PHRF1: variants seen among roughly 807,000 people sequenced by gnomAD.
PHRF1 encodes the protein PHD and RING finger domain-containing protein 1.
Under a neutral mutation model 128.9 loss-of-function variants are expected in PHRF1, and 53 were observed. That is an observed-to-expected ratio of 0.41 (90% CI 0.33 to 0.52). The LOEUF (loss-of-function observed/expected upper bound fraction) is 0.52, where lower values mean the gene tolerates loss of function less well. Ranked by LOEUF, PHRF1 falls within the 20% of genes least tolerant of loss-of-function variation. The pLI, the probability that PHRF1 is intolerant of heterozygous loss-of-function variation, is 0.21. For missense variants in PHRF1, 2,503 were observed against 2,284.5 expected, an observed-to-expected ratio of 1.10 and a Z score of -1.95; for synonymous variants, 1,178 against 980.6, an observed-to-expected ratio of 1.20 and a Z score of -3.76.
Position 597,047 on chromosome 11 carries a change from C to T in PHRF1, c.718+27C>T, listed in dbSNP as rs776219147. 1.2e-5 allele frequency: 20 copies of T among 1,606,240 alleles called. No homozygotes were observed. The highest frequency in any genetic ancestry group is 8.9e-5 in the East Asian group (4 of 44,776). ...TAAGGACACTGCTCCCGTCCCAAGG[C>T]GCACATGGGCCTTCTCACTGTCCAC... On this transcript the variant is annotated intron_variant, in intron 7 of 17. Transcript: ENST00000264555. The surrounding 1 kb of genome is among the most constrained non-coding windows in gnomAD (Gnocchi z 6.5).
chr11:612,148 T>C lies in PHRF1; in HGVS notation c.*371T>C, dbSNP rs7943546. The C allele has an allele frequency of 0.23, 77,234 of 330,664 alleles. 10,599 individuals carry two copies. The highest frequency in any genetic ancestry group is 0.42 in the African/African-American group (20,099 of 47,366). 20.5% of individuals were successfully genotyped at this position (330,664 alleles called of 1,614,324 possible). A position where few individuals can be genotyped will look rare whatever the true frequency, so the allele number is the denominator to read the frequency against. On this transcript the variant is annotated 3_prime_UTR_variant, in exon 18 of 18. Transcript: ENST00000264555. The stretch of plus-strand genomic sequence containing the variant: ...GGGTGGCGCGTCCTTGATAAATCTC[T>C]AGGTGGCCTCCCGCCAACAGCTGCT...
rs780155852 is a variant in PHRF1 at position 607,179 on chromosome 11, G to A, written c.1723G>A (p.Gly575Arg). The A allele has an allele frequency of 6.2e-7, 1 of 1,612,724 alleles. No homozygotes were observed. Among genetic ancestry groups the A allele is most frequent in the Non-Finnish European group, 8.5e-7 (1 of 1,179,818 alleles). ...CGGGAGCCCGGCCCAAGGCCCGTCA[G>A]GAAACAGGCCACAGAGCACAGGGCT... Reference protein sequence around the residue: ...PSGSPAQGPSGNRPQSTGLSC... With the variant: ...PSGSPAQGPSRNRPQSTGLSC... The change falls in exon 14 of 18, where the codon GGA (glycine) becomes AGA (arginine). Residue 575 changes from glycine to arginine, a missense_variant. Transcript: ENST00000264555.
chr11:597,262 T>C lies in PHRF1; in HGVS notation c.719-133T>C. The C allele has an allele frequency of 8.6e-7, 1 of 1,156,148 alleles. No homozygotes were observed. The highest frequency in any genetic ancestry group is 1.6e-5 in the South Asian group (1 of 63,150). 71.6% of individuals were successfully genotyped at this position (1,156,148 alleles called of 1,614,324 possible). ...TCAGTGTTAGGAGCACCAGGCTCCATGAGCAGCCCTGGGTCCTGTGCACAG... is the reference window on the plus strand; with the variant it reads ...TCAGTGTTAGGAGCACCAGGCTCCACGAGCAGCCCTGGGTCCTGTGCACAG... On this transcript the variant is annotated intron_variant, in intron 7 of 17. Transcript: ENST00000264555. This position sits in a 1 kb window ranked among gnomAD's most constrained non-coding sequence, Gnocchi z 6.5.
chr11:606,681 C>T, intron 13 of PHRF1, 85 bp downstream of exon 13: 1 of 1,475,812 alleles, frequency 6.8e-7, no homozygotes, highest in Non-Finnish European at 9.0e-7. Flanking sequence ...ATGTCTCAGT[C>T]ACGGAAGATG....
chr11:576,707 G>T (rs1312187484), intron 1 of PHRF1, 115 bp downstream of exon 1: 2 of 147,592 alleles, frequency 1.4e-5, no homozygotes, highest in Non-Finnish European at 3.0e-5. Context: ...CCTGCGCCGC[G>T]CTGGCCGCGG....
At chr11:611,215 G>T in intron 17 of PHRF1, 133 bp downstream of exon 17, 2 of 1,412,450 alleles carry the variant, frequency 1.4e-6, no homozygotes, top group East Asian at 2.5e-5. Context: ...GGGTCAGGGG[G>T]CTGTATTGCC....
At position 610,724 on chromosome 11, in the gene PHRF1, C is replaced by T. The variant is rs35482931; in HGVS notation, c.4640C>T (p.Ala1547Val). 62,793 of 1,602,222 alleles carry T rather than the reference C, an allele frequency of 0.039. 1,993 individuals are homozygous for T. The highest frequency in any genetic ancestry group is 0.16 in the Admixed American group (9,546 of 59,982). Residue 1547 changes from alanine (A) to valine (V), a missense_variant, in exon 16 of 18, where the codon GCC (alanine) becomes GTC (valine). Physicochemically the swap from Ala to Val is moderately conservative, Grantham distance 64. Coordinates refer to ENST00000264555, the MANE Select transcript of PHRF1 (RefSeq NM_001286581.2). ...AASNSEEKTP[A>V]PRLAAEKTKK... is the part of the protein sequence containing the mutation. ...AGCAACTCGGAGGAGAAGACCCCGGCCCCCAGGCTAGCTGCGGAGAAAACC... is the reference window on the plus strand; with the variant it reads ...AGCAACTCGGAGGAGAAGACCCCGGTCCCCAGGCTAGCTGCGGAGAAAACC...
At chr11:595,396 C>G (rs567442882) in intron 6 of PHRF1, among the ~76,000 whole-genome samples, 6 of 152,308 alleles carry the variant, frequency 3.9e-5, no homozygotes, top group Non-Finnish European at 8.8e-5. Flanking sequence ...AAGTTACAAT[C>G]TAATTTAAAA....
chr11:596,293 C>G (rs1044509709), intron 6 of PHRF1, among the ~76,000 whole-genome samples: 2 of 152,224 alleles, frequency 1.3e-5, no homozygotes, highest in Admixed American at 6.5e-5. Context: ...GGCAGCACTT[C>G]CCAAACTACC....
intron 3 of PHRF1, among the ~76,000 whole-genome samples, chr11:583,053 C>A (rs1407584927): frequency 1.4e-5 from 2 of 144,598 alleles, no homozygotes; most frequent in Admixed American, 7.2e-5. Flanking sequence ...AAAAGAAATT[C>A]TGGCTGTCTG....
chr11:610,367 G>C lies in PHRF1; in HGVS notation c.4416+20G>C, dbSNP rs765023998. The C allele has an allele frequency of 3.9e-6, 6 of 1,547,888 alleles. No homozygotes were observed. Among genetic ancestry groups the C allele is most frequent in the Non-Finnish European group, 1.7e-6 (2 of 1,144,574 alleles). On this transcript the variant is annotated intron_variant, in intron 15 of 17. Transcript: ENST00000264555. Reference sequence around the variant, plus strand: ...TCTCAGGTGGGTGTCTGGGCTGGAGGGCTGTGGGCCGTGGGCAGTGGCCTG... The same window carrying C: ...TCTCAGGTGGGTGTCTGGGCTGGAGCGCTGTGGGCCGTGGGCAGTGGCCTG...
At position 611,248 on chromosome 11, in the gene PHRF1, AGCCTGTTC is replaced by A. The variant is rs1856376789; in HGVS notation, c.4806+173_4806+180del. Among the ~76,000 whole-genome samples the A allele has an allele frequency of 5.9e-5, 9 of 152,252 alleles. No individual in the cohort carries two copies. In the South Asian group the frequency reaches 1.9e-3, roughly 32 times the overall value. On this transcript the variant is annotated intron_variant, in intron 17 of 17. Coordinates refer to ENST00000264555, the MANE Select transcript of PHRF1 (RefSeq NM_001286581.2). ...GCCACATCCTGTAGGCCTGGGGTCAAGCCTGTTCGCCTGTGGCTGCCCCTGGCAGATGC... is the reference window on the plus strand; with the variant it reads ...GCCACATCCTGTAGGCCTGGGGTCAAGCCTGTGGCTGCCCCTGGCAGATGC...
intron 1 of PHRF1, 132 bp downstream of exon 1, chr11:576,724 AGGGC>A (rs1301243149): frequency 7.5e-6 from 1 of 133,026 alleles, no homozygotes; most frequent in Non-Finnish European, 1.6e-5. Context: ...GCGGGCCGGG[AGGGC>A]GGGCGGGCGC....
intron 4 of PHRF1, among the ~76,000 whole-genome samples, chr11:588,377 C>CTT (rs56267241): frequency 1.4e-5 from 2 of 145,974 alleles, no homozygotes; most frequent in Non-Finnish European, 3.0e-5. Flanking sequence ...TTAGACTTTT[C>CTT]TTTTTTTTTT....
In PHRF1 at chr11:609,930, G is replaced by A. The variant is rs530631468; in HGVS notation, c.4264+210G>A. Among the ~76,000 whole-genome samples, 210 of 152,294 alleles carry A rather than the reference G, an allele frequency of 1.4e-3. 1 individual carries two copies. Among genetic ancestry groups the A allele is most frequent in the Middle Eastern group, 0.01 (3 of 294 alleles). ...AGGGCCCCTGAGTGAGTAGGGCCCC[G>A]GCCACCACAGGGAGCTTCTGGAGCC... is the stretch of plus-strand genomic sequence containing the variant. On this transcript the variant is annotated intron_variant, in intron 14 of 17. Coordinates refer to ENST00000264555, the MANE Select transcript of PHRF1 (RefSeq NM_001286581.2).
intron 3 of PHRF1, among the ~76,000 whole-genome samples, chr11:583,458 A>G (rs1854341834): frequency 6.6e-6 from 1 of 151,246 alleles, no homozygotes; most frequent in Non-Finnish European, 1.5e-5. Context: ...TCGAGGCTAC[A>G]GCGAGCTGAG....
chr11:609,679 A>G lies in PHRF1; in HGVS notation c.4223A>G (p.Gln1408Arg), dbSNP rs1396176104. 1.3e-6 allele frequency: 2 copies of G among 1,537,824 alleles called. No individual in the cohort carries two copies. Among genetic ancestry groups the G allele is most frequent in the Admixed American group, 2.0e-5 (1 of 50,728 alleles). ...GTGAAGCGGGTCACCTGGAACCTGC[A>G]GGAGTCGGAGAGCAGCGCCCCCGCC... is the stretch of plus-strand genomic sequence containing the variant. ...ALVKRVTWNL[Q>R]ESESSAPAED... The change falls in exon 14 of 18, where the codon CAG becomes CGG. Residue 1408 changes from glutamine to arginine, a missense_variant. Gln to Arg is a conservative substitution (Grantham distance 43, BLOSUM62 1). Transcript: ENST00000264555.
chr11:582,184 G>T, intron 3 of PHRF1, 103 bp downstream of exon 3: 1 of 1,518,216 alleles, frequency 6.6e-7, no homozygotes, highest in Non-Finnish European at 8.8e-7. Context: ...ACCACAGCTG[G>T]CCATGTCCCT....
chr11:588,454 A>G (rs961349782), intron 4 of PHRF1, among the ~76,000 whole-genome samples: 1 of 151,548 alleles, frequency 6.6e-6, no homozygotes, highest in African/African-American at 2.4e-5. Context: ...ATCTTGGCTC[A>G]CCACAACCTC....
Sources: allele counts gnomAD v4.1 joint callset (sites outside exome capture counted in the v4.1 genomes callset), GRCh38; gene constraint gnomAD v4.1.1; non-coding constraint Gnocchi (gnomAD v3.1); transcripts MANE v1.5; gene names NCBI Gene and HGNC (gene_info 2026-07-23, HGNC 2026-07-21).